Variants in MRTFA observed in about 807,000 individuals in gnomAD.
MRTFA encodes the protein myocardin-related transcription factor A.
MRTFA carries 20 observed loss-of-function variants against 83.5 expected under a neutral mutation model. The ratio of observed to expected loss-of-function variants is 0.24; its 90% confidence interval spans 0.17 to 0.35. The LOEUF (loss-of-function observed/expected upper bound fraction) is 0.35. Among genes scored for constraint, MRTFA ranks in the 10% least tolerant of loss-of-function variants. The pLI, the probability that MRTFA is intolerant of heterozygous loss-of-function variation, is 1.00. For missense variants in MRTFA, 1,200 were observed against 1,224.7 expected, an observed-to-expected ratio of 0.98 and a Z score of 0.30; for synonymous variants, 659 against 541.2, an observed-to-expected ratio of 1.22 and a Z score of -3.02.
At chr22:40,591,950 T>C (rs1313372872) in intron 2 of MRTFA, among the ~76,000 whole-genome samples, 1 of 152,166 alleles carries the variant, frequency 6.6e-6, no homozygotes, top group East Asian at 1.9e-4. Flanking sequence ...TTCATAGATA[T>C]ATGCACAAGT....
chr22:40,413,426 G>A (rs1004191683), intron 14 of MRTFA, among the ~76,000 whole-genome samples: 14 of 149,276 alleles, frequency 9.4e-5, no homozygotes, highest in Non-Finnish European at 1.5e-4. Context: ...TGCAACCTCC[G>A]CCTCCCGTTT....
intron 3 of MRTFA, among the ~76,000 whole-genome samples, chr22:40,483,457 G>A (rs1384975143): frequency 2.0e-5 from 3 of 151,108 alleles, no homozygotes; most frequent in Admixed American, 6.6e-5. Context: ...AGGCCGAGGC[G>A]AGTGGATCAC....
chr22:40,432,218 C>A (rs1286981505), intron 5 of MRTFA, among the ~76,000 whole-genome samples: 6 of 152,050 alleles, frequency 3.9e-5, no homozygotes, highest in Admixed American at 3.9e-4. Context: ...TGCACTCCAG[C>A]CTGGGCAACA....
chr22:40,579,330 C>T (rs948167733), intron 2 of MRTFA, among the ~76,000 whole-genome samples: 1 of 152,148 alleles, frequency 6.6e-6, no homozygotes, highest in African/African-American at 2.4e-5. Flanking sequence ...CTCCAAGAAG[C>T]TTGTCAAAAG....
intron 4 of MRTFA, among the ~76,000 whole-genome samples, chr22:40,448,648 C>T (rs1333529373): frequency 6.6e-6 from 1 of 152,184 alleles, no homozygotes; most frequent in East Asian, 1.9e-4. Flanking sequence ...GCAGGGAAGG[C>T]TTCAGATCTA....
chr22:40,497,348 G>C (rs894794575), intron 3 of MRTFA, among the ~76,000 whole-genome samples: 5 of 152,198 alleles, frequency 3.3e-5, no homozygotes, highest in Non-Finnish European at 5.9e-5. Context: ...AATTACTTGA[G>C]GAATGGAGAA....
chr22:40,424,448 G>A (rs2052910911), intron 7 of MRTFA, 67 bp from the exon 8 acceptor site: 5 of 1,535,688 alleles, frequency 3.3e-6, no homozygotes, highest in Non-Finnish European at 3.5e-6. Flanking sequence ...GGACAGGCCT[G>A]GCTCGCAGGC....
At chr22:40,630,843 T>G (rs1230584888) in intron 1 of MRTFA, among the ~76,000 whole-genome samples, 1 of 152,216 alleles carries the variant, frequency 6.6e-6, no homozygotes, top group African/African-American at 2.4e-5. Flanking sequence ...GCTGGGATTA[T>G]AGGCATGAGC....
At chr22:40,495,259 TCA>T (rs938678170) in intron 3 of MRTFA, among the ~76,000 whole-genome samples, 62 of 151,560 alleles carry the variant, frequency 4.1e-4, no homozygotes, top group Admixed American at 3.3e-4. Flanking sequence ...CGTCTCGAGA[TCA>T]CAGTGAAACC....
At position 40,411,322 on chromosome 22, in the gene MRTFA, G is replaced by A. The variant is rs550322358; in HGVS notation, c.*68C>T. The A allele has an allele frequency of 4.1e-5, 61 of 1,472,292 alleles. No individual in the cohort carries two copies. The highest frequency in any genetic ancestry group is 2.0e-4 in the Middle Eastern group (1 of 4,972). The allele number at this position is 1,472,292 out of a possible 1,614,324, so 91.2% of individuals were successfully genotyped here. A position where few individuals can be genotyped will look rare whatever the true frequency, so the allele number is the denominator to read the frequency against. On this transcript the variant is annotated 3_prime_UTR_variant, in exon 15 of 15. Coordinates refer to ENST00000355630, the MANE Select transcript of MRTFA (RefSeq NM_020831.6). ...CAACCATGTGGAGAGGCCGAATCAC[G>A]CAGGAGAGCCACGCATTGGAGTACC...
Position 40,416,881 on chromosome 22 carries a change from A to G in MRTFA, c.2578+105T>C, listed in dbSNP as rs1403345082. On this transcript the variant is annotated intron_variant, in intron 14 of 14. Coordinates refer to ENST00000355630, the MANE Select transcript of MRTFA (RefSeq NM_020831.6). The surrounding 1 kb of genome is among the most constrained non-coding windows in gnomAD (Gnocchi z 4.2). ...ACTGCATCCACAGTGCTTGCCCAAG[A>G]CTGGTCACGCACGGAAGCATTCAAT... The G allele has an allele frequency of 2.7e-6, 3 of 1,091,316 alleles. No homozygotes were observed. The highest frequency in any genetic ancestry group is 2.9e-4 in the Middle Eastern group (1 of 3,480). 67.6% of individuals were successfully genotyped at this position (1,091,316 alleles called of 1,614,324 possible).
chr22:40,527,459 A>T (rs1331604811), intron 3 of MRTFA, among the ~76,000 whole-genome samples: 4 of 151,004 alleles, frequency 2.6e-5, no homozygotes, highest in African/African-American at 9.7e-5. Flanking sequence ...AAATCTTTTT[A>T]AAAAATAATG....
intron 4 of MRTFA, among the ~76,000 whole-genome samples, chr22:40,446,194 C>T (rs1327497736): frequency 6.6e-6 from 1 of 152,170 alleles, no homozygotes; most frequent in Non-Finnish European, 1.5e-5. Context: ...ACGTGAAAAT[C>T]CTGTTTTCCC....
chr22:40,543,549 T>G (rs2055321129), intron 3 of MRTFA, among the ~76,000 whole-genome samples: 1 of 152,206 alleles, frequency 6.6e-6, no homozygotes, highest in Admixed American at 6.5e-5. Context: ...AACTGCACCT[T>G]TACATCTCTC....
chr22:40,454,459 G>GGT (rs770516695), intron 4 of MRTFA, among the ~76,000 whole-genome samples: 139 of 151,694 alleles, frequency 9.2e-4, no homozygotes, highest in East Asian at 6.0e-3. Context: ...CTTAGAGGTA[G>GGT]GTGTGTGTGT....
At chr22:40,435,627 A>G in intron 4 of MRTFA, 73 bp from the exon 5 acceptor site, 1 of 1,536,296 alleles carries the variant, frequency 6.5e-7, no homozygotes, top group Non-Finnish European at 9.0e-7. Context: ...TTCAGTGGAG[A>G]AGGCATCTTA....
intron 2 of MRTFA, among the ~76,000 whole-genome samples, chr22:40,566,715 C>T (rs1006115482): frequency 8.5e-5 from 13 of 152,160 alleles, no homozygotes; most frequent in African/African-American, 3.1e-4. Context: ...TGCCTGCAAT[C>T]CCAGCTACTA....
intron 2 of MRTFA, among the ~76,000 whole-genome samples, chr22:40,566,057 G>A (rs529360330): frequency 3.9e-5 from 6 of 152,250 alleles, no homozygotes; most frequent in African/African-American, 1.4e-4. Context: ...CATGCAGAGG[G>A]AACAGCATAT....
chr22:40,451,976 T>A (rs1344364370), intron 4 of MRTFA, among the ~76,000 whole-genome samples: 1 of 30,722 alleles, frequency 3.3e-5, no homozygotes, highest in Non-Finnish European at 6.1e-5. Flanking sequence ...TTTTTTTTGG[T>A]TTTTTTTTTT....
Sources: allele counts gnomAD v4.1 joint callset (sites outside exome capture counted in the v4.1 genomes callset), GRCh38; gene constraint gnomAD v4.1.1; non-coding constraint Gnocchi (gnomAD v3.1); transcripts MANE v1.5; gene names NCBI Gene and HGNC (gene_info 2026-07-23, HGNC 2026-07-21).